The following CXADR variants were observed in gnomAD, a reference collection of about 807,000 sequenced individuals.
CXADR encodes the protein CXADR cell adhesion molecule.
CXADR carries 20 observed loss-of-function variants against 40.3 expected under a neutral mutation model. That is an observed-to-expected ratio of 0.50 (90% CI 0.35 to 0.72). The LOEUF (loss-of-function observed/expected upper bound fraction) is 0.72, where lower values mean the gene tolerates loss of function less well. Ranked by LOEUF, CXADR falls within the 30% of genes least tolerant of loss-of-function variation. The pLI is 0.01. For missense variants in CXADR, 332 were observed against 449.1 expected, an observed-to-expected ratio of 0.74 and a Z score of 2.36; for synonymous variants, 150 against 161.3, an observed-to-expected ratio of 0.93 and a Z score of 0.53.
chr21:17,513,059 G>C lies in CXADR; in HGVS notation c.-71G>C, dbSNP rs932293894. 4.0e-5 allele frequency: 52 copies of C among 1,298,964 alleles called. No homozygotes were observed. Among genetic ancestry groups the C allele is most frequent in the Non-Finnish European group, 4.8e-5 (49 of 1,013,630 alleles). 80.5% of individuals were successfully genotyped at this position (1,298,964 alleles called of 1,614,324 possible). A position where few individuals can be genotyped will look rare whatever the true frequency, so the allele number is the denominator to read the frequency against. ...CCGCGAGCCAGTCGGGAGCGCGCGAGGCGCGGGGAGCCTGGGACCAGGAGC... is the reference window on the plus strand; with the variant it reads ...CCGCGAGCCAGTCGGGAGCGCGCGACGCGCGGGGAGCCTGGGACCAGGAGC... On this transcript the variant is annotated 5_prime_UTR_variant, in exon 1 of 7. Transcript: ENST00000284878.
chr21:17,631,613 A>T, the CXADR span, among the ~76,000 whole-genome samples: 1 of 152,202 alleles, frequency 6.6e-6, no homozygotes, highest in Non-Finnish European at 1.5e-5. Flanking sequence ...AACTCCAGTG[A>T]CACCTCAAAC....
the CXADR span, chr21:17,608,956 C>T: frequency 3.1e-5 from 50 of 1,607,060 alleles, 1 homozygote; most frequent in South Asian, 5.4e-4. Flanking sequence ...CTGCTTAATC[C>T]AATCTAATCC....
At chr21:17,586,372 C>T (rs2061396027) in intron 7 of CXADR, among the ~76,000 whole-genome samples, 1 of 145,416 alleles carries the variant, frequency 6.9e-6, no homozygotes, top group South Asian at 2.1e-4. Context: ...TGTATATATA[C>T]AAAATGTGTG....
downstream of CXADR, among the ~76,000 whole-genome samples, chr21:17,570,933 AG>A (rs1203330657): frequency 6.6e-6 from 1 of 152,188 alleles, no homozygotes; most frequent in African/African-American, 2.4e-5. Context: ...TCTTTGTCGT[AG>A]GGGACTGTCC....
intron 1 of CXADR, among the ~76,000 whole-genome samples, chr21:17,539,984 A>G (rs992234613): frequency 1.3e-5 from 2 of 152,200 alleles, no homozygotes; most frequent in South Asian, 2.1e-4. Flanking sequence ...AATACCATAG[A>G]TGCCTTAAAC....
intron 1 of CXADR, among the ~76,000 whole-genome samples, chr21:17,521,205 A>G (rs2060526190): frequency 6.6e-6 from 1 of 152,228 alleles, no homozygotes; most frequent in Admixed American, 6.5e-5. Context: ...AAGGTGTCCT[A>G]GAGAATGATG....
chr21:17,600,480 G>GAGACGA, the CXADR span, among the ~76,000 whole-genome samples: 1 of 152,100 alleles, frequency 6.6e-6, no homozygotes, highest in Non-Finnish European at 1.5e-5. Flanking sequence ...GAATCAGAAT[G>GAGACGA]GTTATCTATT....
At chr21:17,601,148 G>A in the CXADR span, among the ~76,000 whole-genome samples, 1 of 151,140 alleles carries the variant, frequency 6.6e-6, no homozygotes, top group African/African-American at 2.4e-5. Flanking sequence ...GGGCGACAGA[G>A]TGAGACTCCG....
chr21:17,568,445 A>T lies in CXADR; in HGVS notation c.*2753A>T, dbSNP rs1436789046. The T allele has an allele frequency of 2.0e-6, 2 of 985,142 alleles. No individual in the cohort carries two copies. The highest frequency in any genetic ancestry group is 3.5e-5 in the African/African-American group (2 of 57,196). The allele number at this position is 985,142 out of a possible 1,614,324, so 61.0% of individuals were successfully genotyped here. ...ACCCGGCCCAGTACTGCATCTTAAC[A>T]GCAAAGCCATTTTATTCTACTTTAT... On this transcript the variant is annotated 3_prime_UTR_variant, in exon 7 of 7. Transcript: ENST00000284878.
downstream of CXADR, among the ~76,000 whole-genome samples, chr21:17,573,259 T>G (rs2061293813): frequency 6.6e-6 from 1 of 152,188 alleles, no homozygotes; most frequent in African/African-American, 2.4e-5. Context: ...TAATTGCGTC[T>G]GTAGCAAATC....
chr21:17,516,494 C>T (rs918518916), intron 1 of CXADR, among the ~76,000 whole-genome samples: 3 of 152,168 alleles, frequency 2.0e-5, no homozygotes, highest in African/African-American at 7.2e-5. Flanking sequence ...ACTAATGTGG[C>T]CTAGGGACCT....
At chr21:17,576,115 G>T (rs1297735081) in intron 7 of CXADR, among the ~76,000 whole-genome samples, 1 of 151,834 alleles carries the variant, frequency 6.6e-6, no homozygotes, top group Non-Finnish European at 1.5e-5. Flanking sequence ...GTTTTTAAGG[G>T]CTTTGAAAAG....
intron 7 of CXADR, among the ~76,000 whole-genome samples, chr21:17,577,236 T>C (rs746764552): frequency 7.2e-5 from 11 of 152,196 alleles, no homozygotes; most frequent in Non-Finnish European, 1.3e-4. Flanking sequence ...GACATCATCA[T>C]CAAAACCTGT....
chr21:17,559,586 T>C (rs1432746232), intron 4 of CXADR, among the ~76,000 whole-genome samples: 2 of 152,064 alleles, frequency 1.3e-5, no homozygotes, highest in Non-Finnish European at 2.9e-5. Context: ...ATAATATCAA[T>C]TTAGTGTCAT....
chr21:17,588,883 T>C (rs949506191), intron 7 of CXADR, among the ~76,000 whole-genome samples: 3 of 152,098 alleles, frequency 2.0e-5, no homozygotes, highest in Non-Finnish European at 4.4e-5. Context: ...TGTATTAATT[T>C]GTAGAAAAGT....
At chr21:17,573,371 G>A (rs1359117019), downstream of CXADR, among the ~76,000 whole-genome samples, 1 of 152,148 alleles carries the variant, frequency 6.6e-6, no homozygotes, top group Non-Finnish European at 1.5e-5. Flanking sequence ...TAACAGTAAT[G>A]ATGACTGCAC....
chr21:17,583,125 G>A (rs1348665374), intron 7 of CXADR, among the ~76,000 whole-genome samples: 1 of 152,144 alleles, frequency 6.6e-6, no homozygotes, highest in African/African-American at 2.4e-5. Context: ...TCACAGAAAC[G>A]AGAGAACACA....
At chr21:17,559,691 T>TTTTTTTTTTTTC (rs67471532) in intron 4 of CXADR, among the ~76,000 whole-genome samples, 1 of 128,432 alleles carries the variant, frequency 7.8e-6, no homozygotes, top group Admixed American at 8.8e-5. Context: ...TTTTTTTTTT[T>TTTTTTTTTTTTC]CCGAGACAAG....
At chr21:17,572,926 T>C (rs2061290776), downstream of CXADR, among the ~76,000 whole-genome samples, 1 of 152,176 alleles carries the variant, frequency 6.6e-6, no homozygotes, top group African/African-American at 2.4e-5. Context: ...TTTAAATGGC[T>C]AGTCTTCTGA....
Sources: allele counts gnomAD v4.1 joint callset (sites outside exome capture counted in the v4.1 genomes callset), GRCh38; gene constraint gnomAD v4.1.1; transcripts MANE v1.5; gene names NCBI Gene and HGNC (gene_info 2026-07-23, HGNC 2026-07-21).